Variants in MELK observed in about 807,000 individuals in gnomAD.
The protein encoded by MELK is maternal embryonic leucine zipper kinase.
MELK carries 81 observed loss-of-function variants against 85.0 expected under a neutral mutation model. That is an observed-to-expected ratio of 0.95 (90% CI 0.80 to 1.15). MELK has a LOEUF of 1.15. MELK is among the 50% of genes most tolerant of loss of function. The pLI, the probability that MELK is intolerant of heterozygous loss-of-function variation, is 0.00. For missense variants in MELK, 754 were observed against 777.5 expected, an observed-to-expected ratio of 0.97 and a Z score of 0.36; for synonymous variants, 252 against 265.0, an observed-to-expected ratio of 0.95 and a Z score of 0.48.
intron 3 of MELK, among the ~76,000 whole-genome samples, chr9:36,586,944 C>T (rs910164275): frequency 1.3e-5 from 2 of 151,982 alleles, no homozygotes; most frequent in Admixed American, 6.6e-5. Context: ...TCACTGCAAG[C>T]TCTGCCTCCC....
chr9:36,662,243 C>CTT (rs553334327), intron 13 of MELK, among the ~76,000 whole-genome samples: 4 of 133,350 alleles, frequency 3.0e-5, no homozygotes, highest in Non-Finnish European at 3.3e-5. Context: ...GAATCTGTAT[C>CTT]TTTTTTTTTT....
intron 8 of MELK, among the ~76,000 whole-genome samples, chr9:36,625,466 C>T (rs1827837748): frequency 6.6e-6 from 1 of 152,208 alleles, no homozygotes; most frequent in African/African-American, 2.4e-5. Context: ...TGACTCACTA[C>T]TGCTGAGTCC....
chr9:36,620,516 A>G (rs1021303044), intron 8 of MELK, among the ~76,000 whole-genome samples: 8 of 148,284 alleles, frequency 5.4e-5, no homozygotes, highest in Non-Finnish European at 7.4e-5. Context: ...CTTCACATTC[A>G]ATTTTTCTTG....
intron 1 of MELK, among the ~76,000 whole-genome samples, chr9:36,577,880 C>A (rs1037542160): frequency 2.6e-5 from 4 of 151,386 alleles, no homozygotes; most frequent in Non-Finnish European, 4.4e-5. Flanking sequence ...CTTGAACTCC[C>A]GACCTCAGGT....
intron 11 of MELK, 52 bp from the exon 12 acceptor site, chr9:36,651,694 C>A: frequency 9.5e-6 from 15 of 1,577,822 alleles, no homozygotes; most frequent in Non-Finnish European, 1.3e-5. Context: ...GATAGAACAT[C>A]ATTTCCACAA....
chr9:36,597,191 T>C, intron 5 of MELK, 31 bp from the exon 6 acceptor site: 1 of 1,571,028 alleles, frequency 6.4e-7, no homozygotes, highest in Non-Finnish European at 8.8e-7. Flanking sequence ...GAAGTCAGTA[T>C]ACAGTTATCA....
At chr9:36,580,619 C>T (rs1170785328) in intron 1 of MELK, among the ~76,000 whole-genome samples, 2 of 149,184 alleles carry the variant, frequency 1.3e-5, no homozygotes, top group Non-Finnish European at 3.0e-5. Flanking sequence ...TGCCCAGCTT[C>T]GTGTCTTTTT....
chr9:36,576,039 C>T (rs1821619769), intron 1 of MELK, among the ~76,000 whole-genome samples: 1 of 152,122 alleles, frequency 6.6e-6, no homozygotes, highest in South Asian at 2.1e-4. Context: ...TCCAGTTTAT[C>T]CCCACATTTG....
intron 8 of MELK, among the ~76,000 whole-genome samples, chr9:36,614,424 G>GTT (rs1399561249): frequency 7.2e-4 from 34 of 47,094 alleles, no homozygotes; most frequent in African/African-American, 2.9e-3. Context: ...ATTATTTTTG[G>GTT]GTTTTTTTTT....
intron 1 of MELK, among the ~76,000 whole-genome samples, chr9:36,574,459 C>T (rs1308989914): frequency 2.7e-5 from 4 of 150,410 alleles, no homozygotes; most frequent in African/African-American, 9.8e-5. Context: ...AAAAATTAAC[C>T]GGGCATGGTG....
intron 4 of MELK, 112 bp from the exon 5 acceptor site, chr9:36,594,516 C>T (rs1232791814): frequency 1.6e-6 from 2 of 1,265,922 alleles, no homozygotes; most frequent in African/African-American, 1.5e-5. Context: ...GTTCCATTCC[C>T]TATAAAGTCG....
chr9:36,667,392 G>A (rs2137948801), intron 14 of MELK, among the ~76,000 whole-genome samples: 1 of 152,258 alleles, frequency 6.6e-6, no homozygotes, highest in South Asian at 2.1e-4. Flanking sequence ...CTGACCTCAG[G>A]TGATCTGCCC....
chr9:36,577,980 C>G (rs1821822973), intron 1 of MELK, among the ~76,000 whole-genome samples: 1 of 151,994 alleles, frequency 6.6e-6, no homozygotes, highest in Non-Finnish European at 1.5e-5. Context: ...GAGACAAGGT[C>G]TTGCTATATT....
chr9:36,642,893 A>G, intron 10 of MELK, 104 bp from the exon 11 acceptor site: 2 of 754,076 alleles, frequency 2.7e-6, no homozygotes, highest in Non-Finnish European at 4.2e-6. Context: ...TGTTTTACAT[A>G]ATGATATTTG....
Position 36,651,805 on chromosome 9 carries a change from A to G in MELK, c.981A>G (p.Gly327=), listed in dbSNP as rs1587571281. The G allele has an allele frequency of 6.2e-7, 1 of 1,614,064 alleles. No homozygotes were observed. The highest frequency in any genetic ancestry group is 8.5e-7 in the Non-Finnish European group (1 of 1,179,968). ...YLLLLAKKAR[G]KPVRLRLSSF... ...TGCTTCTAGCCAAGAAGGCTCGGGG[A>G]AAACCAGTTCGTTTAAGGCTTTCTT... The change falls in exon 12 of 18, where the codon GGA becomes GGG. Residue 327 remains glycine (G), a synonymous_variant. Coordinates refer to ENST00000298048, the MANE Select transcript of MELK (RefSeq NM_014791.4).
chr9:36,608,417 G>GTA (rs543732493), intron 8 of MELK, among the ~76,000 whole-genome samples: 30,083 of 147,826 alleles, frequency 0.2, 3,132 homozygotes, highest in East Asian at 0.42. Flanking sequence ...TCAAACTTGT[G>GTA]TATATATATA....
At chr9:36,606,828 A>G (rs934177482) in intron 7 of MELK, 1 of 151,278 alleles carries the variant, frequency 6.6e-6, no homozygotes, top group Non-Finnish European at 1.5e-5. Flanking sequence ...TGTGTCGCCC[A>G]GGCTGGAGTA....
intron 8 of MELK, among the ~76,000 whole-genome samples, chr9:36,613,457 C>A (rs764388546): frequency 1.3e-5 from 2 of 152,104 alleles, no homozygotes; most frequent in African/African-American, 4.8e-5. Context: ...AGTTTATCTT[C>A]TAGTAGTGGG....
chr9:36,647,633 C>T (rs945393735), intron 11 of MELK, among the ~76,000 whole-genome samples: 1 of 151,922 alleles, frequency 6.6e-6, no homozygotes, highest in Non-Finnish European at 1.5e-5. Flanking sequence ...GGATTACAGG[C>T]GCCTGCCACC....
Sources: allele counts gnomAD v4.1 joint callset (sites outside exome capture counted in the v4.1 genomes callset), GRCh38; gene constraint gnomAD v4.1.1; transcripts MANE v1.5; gene names NCBI Gene and HGNC (gene_info 2026-07-23, HGNC 2026-07-21).